The following RHPN2 variants were observed in gnomAD, a reference collection of about 807,000 sequenced individuals.
RHPN2 encodes rhophilin Rho GTPase binding protein 2.
In RHPN2, 40 loss-of-function variants were observed where a neutral mutation model predicts 79.0. The observed-to-expected ratio is 0.51, with a 90% CI of 0.39 to 0.66. RHPN2 has a LOEUF of 0.66. Ranked by LOEUF, RHPN2 falls within the 30% of genes least tolerant of loss-of-function variation. The probability of loss-of-function intolerance (pLI) is 0.00; values close to 1 mark genes in which losing one functional copy is unlikely to be tolerated. For synonymous variants in RHPN2, 285 were observed against 363.5 expected, an observed-to-expected ratio of 0.78 and a Z score of 2.46; for missense variants, 686 against 883.5, an observed-to-expected ratio of 0.78 and a Z score of 2.83.
At chr19:33,007,358 G>C (rs1162742863) in intron 7 of RHPN2, among the ~76,000 whole-genome samples, 2 of 151,878 alleles carry the variant, frequency 1.3e-5, no homozygotes, top group Non-Finnish European at 2.9e-5. Context: ...GTGGTGGCGG[G>C]TGCCTGTAAT....
intron 1 of RHPN2, among the ~76,000 whole-genome samples, chr19:33,056,963 A>AT (rs1972237952): frequency 6.6e-6 from 1 of 151,508 alleles, no homozygotes; most frequent in Admixed American, 6.6e-5. Flanking sequence ...CAAAAAAAAA[A>AT]AAAAAAATTA....
intron 2 of RHPN2, among the ~76,000 whole-genome samples, chr19:33,036,748 G>A (rs34319668): frequency 0.11 from 16,627 of 152,238 alleles, 1,059 homozygotes; most frequent in South Asian, 0.2. Context: ...CGTCCGGCCC[G>A]CTGGCCCCGG....
chr19:33,003,008 T>C lies in RHPN2; in HGVS notation c.761-8A>G. The C allele has an allele frequency of 6.2e-7, 1 of 1,613,300 alleles. No individual in the cohort carries two copies. On this transcript the variant is annotated splice_polypyrimidine_tract_variant and splice_region_variant and intron_variant, in intron 7 of 14. Coordinates refer to ENST00000254260, the MANE Select transcript of RHPN2 (RefSeq NM_033103.5). ...TCAGGTAATTTAAAACCCCTAAAAG[T>C]GGAAAATGTTTTGCCCATTAGTTCG...
At chr19:33,009,269 A>G (rs1971818166) in intron 6 of RHPN2, among the ~76,000 whole-genome samples, 2 of 151,238 alleles carry the variant, frequency 1.3e-5, no homozygotes. Context: ...GGTGATAATG[A>G]TGTGTCAGGT....
intron 1 of RHPN2, among the ~76,000 whole-genome samples, chr19:33,048,355 C>G (rs1972158699): frequency 6.6e-6 from 1 of 151,798 alleles, no homozygotes; most frequent in African/African-American, 2.4e-5. Context: ...GGCATCCAGC[C>G]CTGGAATGGA....
In RHPN2 at chr19:33,002,232, C is replaced by T; in HGVS notation, c.1105+15G>A. ...CCACAGCCCTCGCCAAACTCCCGAACCCCCCAGGCCTTACCCTGGTGGTCG... is the reference window on the plus strand; with the variant it reads ...CCACAGCCCTCGCCAAACTCCCGAATCCCCCAGGCCTTACCCTGGTGGTCG... On this transcript the variant is annotated intron_variant, in intron 9 of 14. Transcript: ENST00000254260. 2 of 1,611,688 alleles carry T rather than the reference C, an allele frequency of 1.2e-6. No homozygotes were observed. The highest frequency in any genetic ancestry group is 1.1e-5 in the South Asian group (1 of 90,904).
At chr19:33,056,953 C>CA (rs754855820) in intron 1 of RHPN2, among the ~76,000 whole-genome samples, 18,961 of 114,358 alleles carry the variant, frequency 0.17, 1,480 homozygotes, top group Admixed American at 0.31. Context: ...AATAAAAATA[C>CA]AAAAAAAAAA....
At chr19:32,992,482 C>T (rs1173237182) in intron 12 of RHPN2, among the ~76,000 whole-genome samples, 3 of 152,154 alleles carry the variant, frequency 2.0e-5, no homozygotes, top group Non-Finnish European at 2.9e-5. Flanking sequence ...TGAGCCACCG[C>T]ACCCGGCCAA....
At chr19:32,991,532 T>C in intron 13 of RHPN2, 4 of 408,716 alleles carry the variant, frequency 9.8e-6, no homozygotes, top group South Asian at 7.0e-5. Context: ...CTCAGGAAGC[T>C]GAGACAGGAG....
At chr19:33,039,837 C>T (rs986514439) in intron 2 of RHPN2, among the ~76,000 whole-genome samples, 27 of 101,316 alleles carry the variant, frequency 2.7e-4, no homozygotes, top group African/African-American at 9.7e-4. Flanking sequence ...GACTCTGTCT[C>T]AAAAAGAAAA....
chr19:33,026,941 T>C (rs1599824092), intron 2 of RHPN2: 1 of 357,518 alleles, frequency 2.8e-6, no homozygotes, highest in Non-Finnish European at 5.5e-6. Context: ...TAAAATACCA[T>C]AAGATACCCA....
chr19:33,036,871 C>A (rs1444624950), intron 2 of RHPN2, among the ~76,000 whole-genome samples: 1 of 118,500 alleles, frequency 8.4e-6, no homozygotes, highest in East Asian at 2.6e-4. Flanking sequence ...CATGCCTGAG[C>A]CCCCCCGCCA....
At chr19:33,046,781 G>A (rs1294228751) in intron 1 of RHPN2, among the ~76,000 whole-genome samples, 1 of 152,064 alleles carries the variant, frequency 6.6e-6, no homozygotes, top group Non-Finnish European at 1.5e-5. Context: ...GACAGTTAAT[G>A]ATGTTGAATA....
At chr19:32,999,068 T>C (rs1200035023) in intron 10 of RHPN2, among the ~76,000 whole-genome samples, 1 of 151,528 alleles carries the variant, frequency 6.6e-6, no homozygotes, top group Non-Finnish European at 1.5e-5. Context: ...CCAAGGTTTC[T>C]GGCCTGAGCA....
At chr19:32,982,421 T>TAATA (rs1377533391) in intron 14 of RHPN2, among the ~76,000 whole-genome samples, 2 of 151,616 alleles carry the variant, frequency 1.3e-5, no homozygotes, top group Non-Finnish European at 2.9e-5. Context: ...AATAAATAAA[T>TAATA]AATAAATAAA....
intron 12 of RHPN2, 57 bp downstream of exon 12, chr19:32,993,920 G>A (rs1971680338): frequency 3.8e-6 from 5 of 1,319,542 alleles, no homozygotes; most frequent in Admixed American, 1.7e-5. Context: ...CACCATACTC[G>A]CCAAAGTGAA....
intron 5 of RHPN2, 128 bp from the exon 6 acceptor site, chr19:33,011,931 G>A (rs1971838571): frequency 1.6e-6 from 2 of 1,221,914 alleles, no homozygotes; most frequent in Non-Finnish European, 2.4e-6. Flanking sequence ...CCTCGCTACT[G>A]GCATCGTAAA....
At chr19:33,014,792 G>A (rs1167244212) in intron 4 of RHPN2, among the ~76,000 whole-genome samples, 1 of 152,058 alleles carries the variant, frequency 6.6e-6, no homozygotes, top group African/African-American at 2.4e-5. Flanking sequence ...AAATAGCTGG[G>A]CATGGTGGTT....
intron 1 of RHPN2, among the ~76,000 whole-genome samples, chr19:33,048,297 C>A (rs1032036256): frequency 1.3e-5 from 2 of 151,654 alleles, no homozygotes; most frequent in African/African-American, 4.8e-5. Context: ...CTCAGGTGAT[C>A]CACCCGCCTC....
Sources: gnomAD v4.1 joint callset for allele counts (sites outside exome capture counted in the v4.1 genomes callset) on GRCh38, gnomAD v4.1.1 for gene constraint, MANE v1.5 for transcripts, NCBI Gene and HGNC (gene_info 2026-07-23, HGNC 2026-07-21) for gene names.